The following CENPI variants were observed in gnomAD, a reference collection of about 807,000 sequenced individuals.
CENPI encodes FSH primary response 1.
A neutral mutation model predicts 60.4 loss-of-function variants in CENPI; 4 were observed. The ratio of observed to expected loss-of-function variants is 0.07; its 90% CI spans 0.03 to 0.15. The LOEUF is 0.15. CENPI is among the 10% of genes least tolerant of loss of function. CENPI has a pLI of 1.00. For synonymous variants in CENPI, 157 were observed against 189.4 expected (o/e 0.83, Z 1.40); for missense variants, 444 against 534.5 (o/e 0.83, Z 1.67).
intron 3 of CENPI, among the ~76,000 whole-genome samples, chrX:101,101,830 T>G (rs2089420534): frequency 8.9e-6 from 1 of 112,780 alleles, no homozygotes; most frequent in African/African-American, 3.2e-5. Context: ...TAAATATTCT[T>G]TAGTTAAAAA....
chrX:101,175,490 G>A, the CENPI span, among the ~76,000 whole-genome samples: 3 of 112,095 alleles, frequency 2.7e-5, no homozygotes, highest in African/African-American at 9.7e-5. Flanking sequence ...ATGTTGTGCT[G>A]AATGGGGAGT....
chrX:101,139,372 G>A lies in CENPI; in HGVS notation c.1471-1294G>A, dbSNP rs2089889358. 2.7e-5 allele frequency among the ~76,000 whole-genome samples: 3 copies of A among 110,965 alleles called. No homozygotes were observed. In the South Asian group the frequency reaches 1.1e-3, roughly 42 times the overall value. ...GGCCTCCCAAAGTGCTGGGATTACA[G>A]GCATGAACCACCACGCCTGGCCAAG... is the stretch of plus-strand genomic sequence containing the variant. On this transcript the variant is annotated intron_variant, in intron 15 of 21. Coordinates refer to ENST00000682095, the MANE Select transcript of CENPI (RefSeq NM_001386188.2).
intron 2 of CENPI, chrX:101,100,828 C>T (rs2089406812): frequency 2.8e-6 from 1 of 363,161 alleles, no homozygotes; most frequent in Admixed American, 4.7e-5. Flanking sequence ...AAAGCTAGTT[C>T]AGCTGATGAA....
At chrX:101,181,151 A>G in the CENPI span, among the ~76,000 whole-genome samples, 1 of 109,857 alleles carries the variant, frequency 9.1e-6, no homozygotes, top group Non-Finnish European at 1.9e-5. Flanking sequence ...TTTGAATTCT[A>G]CTGCAGTGAT....
chrX:101,157,542 T>C (rs144245622), intron 20 of CENPI, among the ~76,000 whole-genome samples: 52 of 107,994 alleles, frequency 4.8e-4, no homozygotes, highest in African/African-American at 1.8e-3. Flanking sequence ...CTCAGTTACT[T>C]GGGAAGTTGA....
intron 4 of CENPI, among the ~76,000 whole-genome samples, chrX:101,107,148 A>T (rs1276645179): frequency 9.4e-6 from 1 of 106,107 alleles, no homozygotes; most frequent in East Asian, 2.9e-4. Flanking sequence ...AAATATATAT[A>T]TTTTTAATTT....
At chrX:101,132,941 A>T (rs1388170201) in intron 15 of CENPI, among the ~76,000 whole-genome samples, 1 of 110,944 alleles carries the variant, frequency 9.0e-6, no homozygotes, top group Non-Finnish European at 1.9e-5. Context: ...CCTTATATAT[A>T]ATATGTTACT....
chrX:101,110,361 T>C (rs1488301448), intron 6 of CENPI, among the ~76,000 whole-genome samples: 2 of 111,845 alleles, frequency 1.8e-5, no homozygotes, highest in Non-Finnish European at 3.8e-5. Context: ...TTCAACAGAG[T>C]CCTTTGAGTC....
At chrX:101,104,771 A>G (rs1013403002) in intron 4 of CENPI, among the ~76,000 whole-genome samples, 2 of 109,852 alleles carry the variant, frequency 1.8e-5, no homozygotes, top group Non-Finnish European at 3.8e-5. Context: ...GAGGCAAGAG[A>G]ATCACTTGAG....
At chrX:101,120,661 C>A in intron 7 of CENPI, 77 bp from the exon 8 acceptor site, 1 of 899,196 alleles carries the variant, frequency 1.1e-6, no homozygotes, top group Non-Finnish European at 1.6e-6. Flanking sequence ...GTATGAATTG[C>A]ATGGTGGTTA....
intron 18 of CENPI, among the ~76,000 whole-genome samples, chrX:101,146,685 G>A (rs2089964326): frequency 9.0e-6 from 1 of 111,508 alleles, no homozygotes; most frequent in South Asian, 3.8e-4. Context: ...TATTATTTCT[G>A]GTCTCCTCTA....
chrX:101,175,273 T>C, the CENPI span, among the ~76,000 whole-genome samples: 2 of 112,628 alleles, frequency 1.8e-5, no homozygotes, highest in Non-Finnish European at 3.7e-5. Flanking sequence ...ATGTTATTGC[T>C]TTACTCTGTT....
chrX:101,147,572 C>T (rs930928294), intron 18 of CENPI, among the ~76,000 whole-genome samples, 191 bp from the exon 19 acceptor site: 1 of 111,653 alleles, frequency 9.0e-6, no homozygotes, highest in Non-Finnish European at 1.9e-5. Flanking sequence ...ACTTATTGAG[C>T]CTCTATTTTC....
At position 101,101,088 on chromosome X, in the gene CENPI, A is replaced by G. The variant is rs373474057; in HGVS notation, c.18A>G (p.Arg6=). Residue 6 remains arginine (R), a synonymous_variant, in exon 3 of 22, where the codon AGA becomes AGG. Coordinates refer to ENST00000682095, the MANE Select transcript of CENPI (RefSeq NM_001386188.2). MSPQK[R]VKNVQAQNRT... ...ATGCAGTAATGTCACCTCAAAAGAG[A>G]GTTAAGAACGTCCAGGCACAAAACA... 1.1e-5 allele frequency: 13 copies of G among 1,206,767 alleles called. No homozygotes were observed. The highest frequency in any genetic ancestry group is 1.5e-5 in the Non-Finnish European group (13 of 892,346).
intron 13 of CENPI, 105 bp downstream of exon 13, chrX:101,130,178 T>A: frequency 3.7e-6 from 2 of 539,972 alleles, no homozygotes; most frequent in Non-Finnish European, 6.1e-6. Flanking sequence ...CTCACACCTG[T>A]AATCTCAGCA....
chrX:101,112,557 C>G (rs2089566452), intron 6 of CENPI, among the ~76,000 whole-genome samples: 1 of 112,368 alleles, frequency 8.9e-6, no homozygotes, highest in African/African-American at 3.2e-5. Flanking sequence ...CCACAATTTT[C>G]TGAAAAGGCT....
At chrX:101,121,167 C>T (rs1435136890) in intron 8 of CENPI, among the ~76,000 whole-genome samples, 2 of 111,442 alleles carry the variant, frequency 1.8e-5, no homozygotes, top group Non-Finnish European at 3.8e-5. Context: ...TAAGCCACCG[C>T]GCCTGGCCTA....
At chrX:101,106,215 TGA>T (rs993158550) in intron 4 of CENPI, among the ~76,000 whole-genome samples, 3 of 111,353 alleles carry the variant, frequency 2.7e-5, no homozygotes, top group Admixed American at 1.9e-4. Flanking sequence ...TGGATGGGAG[TGA>T]GAAAGAAAAC....
the CENPI span, among the ~76,000 whole-genome samples, chrX:101,172,402 T>C: frequency 9.0e-6 from 1 of 111,272 alleles, no homozygotes; most frequent in Non-Finnish European, 1.9e-5. Flanking sequence ...ACAATGCAAA[T>C]GTCCAACTGA....
Sources: gnomAD v4.1 joint callset for allele counts (sites outside exome capture counted in the v4.1 genomes callset) on GRCh38, gnomAD v4.1.1 for gene constraint, MANE v1.5 for transcripts, NCBI Gene and HGNC (gene_info 2026-07-23, HGNC 2026-07-21) for gene names.